The following CLEC1A variants were observed in gnomAD, a reference collection of about 807,000 sequenced individuals.
CLEC1A encodes C-type lectin domain family 1 member A.
Under a neutral mutation model 28.7 loss-of-function variants are expected in CLEC1A, and 34 were observed. The ratio of observed to expected loss-of-function variants is 1.18; its 90% CI spans 0.90 to 1.57. The LOEUF (loss-of-function observed/expected upper bound fraction) is 1.57. CLEC1A is among the 40% of genes most tolerant of loss of function. CLEC1A has a pLI of 0.00. For synonymous variants in CLEC1A, 116 were observed against 121.0 expected (o/e 0.96, Z 0.27); for missense variants, 385 against 339.5 (o/e 1.13, Z -1.05).
intron 2 of CLEC1A, among the ~76,000 whole-genome samples, chr12:10,086,024 A>G (rs566979753): frequency 6.6e-6 from 1 of 152,328 alleles, no homozygotes; most frequent in South Asian, 2.1e-4. Flanking sequence ...AAAATTAACA[A>G]TACAAGGCAC....
intron 1 of CLEC1A, among the ~76,000 whole-genome samples, chr12:10,093,381 A>AAAAC (rs1565608558): frequency 1.3e-5 from 2 of 151,538 alleles, no homozygotes; most frequent in African/African-American, 4.8e-5. Context: ...TAGAAAAAAA[A>AAAAC]AAAAAACCTT....
chr12:10,071,275 T>C lies in CLEC1A; in HGVS notation c.*58A>G, dbSNP rs560020652. On this transcript the variant is annotated 3_prime_UTR_variant, in exon 6 of 6. Coordinates refer to ENST00000315330, the MANE Select transcript of CLEC1A (RefSeq NM_016511.4). ...ATGTTCCATTTCCCAATGTCTCAAC[T>C]AGCCCTTGCTTTGGCACCGCCTGGC... 51 of 1,501,422 alleles carry C rather than the reference T, an allele frequency of 3.4e-5. 1 individual carries two copies. The South Asian group carries it at 5.9e-4, about 17-fold the overall frequency. The allele number at this position is 1,501,422 out of a possible 1,614,324, so 93.0% of individuals were successfully genotyped here.
chr12:10,075,456 G>A (rs767437231), intron 4 of CLEC1A, 48 bp downstream of exon 4: 13 of 1,593,260 alleles, frequency 8.2e-6, no homozygotes, highest in Admixed American at 1.7e-5. Flanking sequence ...ATGCTTTTAA[G>A]GCCTCTTTTT....
chr12:10,094,123 AAGTT>A (rs1394869090), intron 1 of CLEC1A, among the ~76,000 whole-genome samples: 3 of 152,182 alleles, frequency 2.0e-5, no homozygotes, highest in East Asian at 1.9e-4. Flanking sequence ...TCTTCAGTAA[AAGTT>A]AGGTGACTCA....
intron 4 of CLEC1A, 63 bp from the exon 5 acceptor site, chr12:10,073,474 T>C (rs1646175214): frequency 4.1e-6 from 5 of 1,209,188 alleles, no homozygotes; most frequent in Non-Finnish European, 6.1e-6. Context: ...TGTACAGACA[T>C]GCATGGGCCA....
chr12:10,073,328 C>A lies in CLEC1A; in HGVS notation c.627G>T (p.Trp209Cys). 6.2e-7 allele frequency: 1 copy of A among 1,613,928 alleles called. No homozygotes were observed. The highest frequency in any genetic ancestry group is 8.5e-7 in the Non-Finnish European group (1 of 1,179,840). The change falls in exon 5 of 6, where the codon TGG becomes TGT. Residue 209 changes from tryptophan to cysteine, a missense_variant. Coordinates refer to ENST00000315330, the MANE Select transcript of CLEC1A (RefSeq NM_016511.4). Reference protein sequence around the residue: ...GLLRPDSGKAWLWMDGTPFTS... With the variant: ...GLLRPDSGKACLWMDGTPFTS... ...TGAAAGGGGTTCCATCCATCCACAGCCAGGCCTTGCCACTGTCAGGGCGCA... is the reference window on the plus strand; with the variant it reads ...TGAAAGGGGTTCCATCCATCCACAGACAGGCCTTGCCACTGTCAGGGCGCA...
intron 2 of CLEC1A, among the ~76,000 whole-genome samples, chr12:10,083,728 C>A (rs1385145240): frequency 6.6e-6 from 1 of 152,186 alleles, no homozygotes; most frequent in African/African-American, 2.4e-5. Context: ...CCTCCTCAGC[C>A]TCCCAAAGTG....
At chr12:10,096,308 C>T (rs1188670398) in intron 1 of CLEC1A, among the ~76,000 whole-genome samples, 2 of 152,110 alleles carry the variant, frequency 1.3e-5, no homozygotes, top group Admixed American at 6.6e-5. Flanking sequence ...AACCTACCAC[C>T]GAAGTCCCTT....
At chr12:10,089,655 T>C (rs1405416312) in intron 1 of CLEC1A, among the ~76,000 whole-genome samples, 1 of 152,142 alleles carries the variant, frequency 6.6e-6, no homozygotes, top group Middle Eastern at 3.2e-3. Context: ...AATTTGTTGT[T>C]ACTTTTGAAA....
intron 2 of CLEC1A, among the ~76,000 whole-genome samples, chr12:10,083,181 A>G (rs1476091771): frequency 2.6e-5 from 4 of 152,210 alleles, no homozygotes; most frequent in African/African-American, 9.7e-5. Context: ...ACATCAAGGG[A>G]TCACCCCATG....
chr12:10,080,478 G>A (rs7979266), intron 3 of CLEC1A, among the ~76,000 whole-genome samples: 42,990 of 152,144 alleles, frequency 0.28, 6,961 homozygotes, highest in African/African-American at 0.45. Flanking sequence ...CAGGTGGGAA[G>A]TGGTGTGTGT....
At chr12:10,078,078 T>C (rs1866292526) in intron 3 of CLEC1A, among the ~76,000 whole-genome samples, 1 of 152,184 alleles carries the variant, frequency 6.6e-6, no homozygotes, top group African/African-American at 2.4e-5. Context: ...AGAAGAACCA[T>C]CATATTTCTC....
chr12:10,078,830 G>C (rs1177477800), intron 3 of CLEC1A, among the ~76,000 whole-genome samples: 1 of 152,100 alleles, frequency 6.6e-6, no homozygotes, highest in Non-Finnish European at 1.5e-5. Context: ...GAACAGCTTG[G>C]TGAGTTCTCG....
intron 2 of CLEC1A, chr12:10,084,154 A>G (rs1433219368): frequency 6.6e-6 from 1 of 152,250 alleles, no homozygotes; most frequent in Non-Finnish European, 1.5e-5. Flanking sequence ...TGGTCTTCCT[A>G]GAGATCTAGA....
intron 4 of CLEC1A, among the ~76,000 whole-genome samples, 186 bp from the exon 5 acceptor site, chr12:10,073,597 C>T (rs1325468165): frequency 1.3e-5 from 2 of 152,198 alleles, no homozygotes; most frequent in Non-Finnish European, 2.9e-5. Flanking sequence ...GGTTTAATAA[C>T]TTATTTTGTC....
At chr12:10,085,290 T>C (rs1866466724) in intron 2 of CLEC1A, among the ~76,000 whole-genome samples, 1 of 147,690 alleles carries the variant, frequency 6.8e-6, no homozygotes, top group East Asian at 2.0e-4. Flanking sequence ...AATAGAACAG[T>C]ACTGCACATC....
rs780380530 is a variant in CLEC1A, at chr12:10,073,295, T to G, written c.660A>C (p.Glu220Asp). The G allele has an allele frequency of 6.2e-7, 1 of 1,605,468 alleles. No homozygotes were observed. Among genetic ancestry groups the G allele is most frequent in the East Asian group, 2.2e-5 (1 of 44,854 alleles). Residue 220 changes from glutamate (E) to aspartate (D), a missense_variant and splice_region_variant, in exon 5 of 6, where the codon GAA (glutamate) becomes GAC (aspartate). Glu to Asp is a conservative substitution (Grantham distance 45, BLOSUM62 2). Coordinates refer to ENST00000315330, the MANE Select transcript of CLEC1A (RefSeq NM_016511.4). ...CATAAAATATCCTGAAGGCTTACAG[T>G]TCAGAAGTGAAAGGGGTTCCATCCA... is the stretch of plus-strand genomic sequence containing the variant. ...LWMDGTPFTS[E>D]LFHIIIDVTS...
chr12:10,077,302 T>C (rs1866270793), intron 3 of CLEC1A, among the ~76,000 whole-genome samples: 1 of 152,216 alleles, frequency 6.6e-6, no homozygotes, highest in African/African-American at 2.4e-5. Context: ...AAGAAATTCA[T>C]TTCTCTCTAT....
chr12:10,094,067 T>C (rs938713650), intron 1 of CLEC1A, among the ~76,000 whole-genome samples: 5 of 152,154 alleles, frequency 3.3e-5, no homozygotes, highest in African/African-American at 1.2e-4. Flanking sequence ...TAGAATATCA[T>C]TGAGGTTCTA....
Sources: gnomAD v4.1 joint callset for allele counts (sites outside exome capture counted in the v4.1 genomes callset) on GRCh38, gnomAD v4.1.1 for gene constraint, MANE v1.5 for transcripts, NCBI Gene and HGNC (gene_info 2026-07-23, HGNC 2026-07-21) for gene names.